WDFY4: variants seen among roughly 807,000 people sequenced by gnomAD.
WDFY4 encodes WD repeat- and FYVE domain-containing protein 4.
In WDFY4, 169 loss-of-function variants were observed where a neutral mutation model predicts 351.9. The observed-to-expected ratio is 0.48, with a 90% CI of 0.42 to 0.55. WDFY4 has a LOEUF of 0.55. WDFY4 is among the 20% of genes least tolerant of loss of function. WDFY4 has a pLI of 0.00. For synonymous variants in WDFY4, 1,622 were observed against 1,574.6 expected (o/e 1.03, Z -0.71); for missense variants, 3,803 against 3,935.6 (o/e 0.97, Z 0.90).
chr10:48,863,892 G>T (rs2069438542), intron 39 of WDFY4, among the ~76,000 whole-genome samples: 1 of 152,142 alleles, frequency 6.6e-6, no homozygotes. Flanking sequence ...GTGGTGGGAA[G>T]GAGAAGTGTT....
At chr10:48,705,227 G>A (rs1001458974) in intron 1 of WDFY4, among the ~76,000 whole-genome samples, 1 of 152,216 alleles carries the variant, frequency 6.6e-6, no homozygotes, top group Admixed American at 6.5e-5. Flanking sequence ...GGGAAGCACA[G>A]GTTTGGATCC....
intron 47 of WDFY4, among the ~76,000 whole-genome samples, chr10:48,933,145 G>A (rs1840131902): frequency 6.6e-6 from 1 of 152,180 alleles, no homozygotes; most frequent in African/African-American, 2.4e-5. Context: ...GCTCTGTGGT[G>A]GAAGCAGAGC....
intron 13 of WDFY4, among the ~76,000 whole-genome samples, chr10:48,765,395 G>A (rs2065636476): frequency 6.6e-6 from 1 of 152,220 alleles, no homozygotes; most frequent in African/African-American, 2.4e-5. Flanking sequence ...TTTGTGTAGT[G>A]TGGGGATAAT....
intron 30 of WDFY4, among the ~76,000 whole-genome samples, chr10:48,812,178 TC>T (rs1199547076): frequency 6.7e-6 from 1 of 148,366 alleles, no homozygotes; most frequent in African/African-American, 2.6e-5. Flanking sequence ...TTCTTTCTTT[TC>T]TTTTTTTTTT....
At chr10:48,753,028 A>G (rs2065230137) in intron 12 of WDFY4, among the ~76,000 whole-genome samples, 1 of 151,928 alleles carries the variant, frequency 6.6e-6, no homozygotes, top group South Asian at 2.1e-4. Context: ...GCTTGCCAAT[A>G]TTTATTTCCC....
rs542884852 is a variant in WDFY4 at position 48,718,216 on chromosome 10, T to C, written c.235-1795T>C. On this transcript the variant is annotated intron_variant, in intron 2 of 61. Coordinates refer to ENST00000325239, the MANE Select transcript of WDFY4 (RefSeq NM_001394531.1). The stretch of plus-strand genomic sequence containing the variant: ...TTGTTCTTTTTCTAAAAACAAGTTG[T>C]TTGCTTTTTTCTCGTCTATTTTTAG... Among the ~76,000 whole-genome samples the C allele has an allele frequency of 2.6e-4, 39 of 152,352 alleles. No individual in the cohort carries two copies. In the South Asian group the frequency reaches 8.1e-3, roughly 32 times the overall value.
intron 34 of WDFY4, 147 bp from the exon 35 acceptor site, chr10:48,822,233 C>A: frequency 1.3e-6 from 1 of 759,730 alleles, no homozygotes. Context: ...GTGTGTTGGG[C>A]ACCTCGTCAG....
intron 43 of WDFY4, among the ~76,000 whole-genome samples, chr10:48,883,506 T>A (rs1417808614): frequency 1.3e-5 from 2 of 152,218 alleles, no homozygotes; most frequent in African/African-American, 4.8e-5. Context: ...AATTCAGATG[T>A]CATTGTGAGA....
chr10:48,791,853 C>A (rs2066692887), intron 23 of WDFY4, among the ~76,000 whole-genome samples: 1 of 152,136 alleles, frequency 6.6e-6, no homozygotes, highest in African/African-American at 2.4e-5. Context: ...GCCTTCTGGG[C>A]ACTCCCCCTG....
chr10:48,929,876 C>A (rs940140951), intron 47 of WDFY4, among the ~76,000 whole-genome samples: 6 of 152,012 alleles, frequency 3.9e-5, no homozygotes, highest in African/African-American at 1.5e-4. Context: ...CTTCCATCCA[C>A]CCCCAATTAA....
intron 60 of WDFY4, 36 bp downstream of exon 60, chr10:48,978,429 T>A: frequency 6.5e-7 from 1 of 1,526,954 alleles, no homozygotes; most frequent in East Asian, 2.5e-5. Context: ...CGTCCTGGCC[T>A]TGCCCTGCCC....
intron 40 of WDFY4, among the ~76,000 whole-genome samples, chr10:48,870,377 A>T (rs966931090): frequency 6.6e-6 from 1 of 152,170 alleles, no homozygotes; most frequent in South Asian, 2.1e-4. Flanking sequence ...CTCAAAAAAA[A>T]GTAGTTAAAA....
intron 47 of WDFY4, among the ~76,000 whole-genome samples, chr10:48,909,000 T>C (rs1422053060): frequency 6.6e-6 from 1 of 151,060 alleles, no homozygotes; most frequent in Non-Finnish European, 1.5e-5. Context: ...GACTGTTCTA[T>C]ACATGGAATC....
rs140035514 is a variant in WDFY4 at position 48,749,014 on chromosome 10, C to T, written c.2459+5466C>T. Among the ~76,000 whole-genome samples, 11 of 152,314 alleles carry T rather than the reference C, an allele frequency of 7.2e-5. No individual in the cohort carries two copies. The South Asian group carries it at 2.1e-3, about 29-fold the overall frequency. ...CTACTTTATTTCTCTAATCTTCCATCTCCTGATTTGAAGGCAGACATAATA... is the reference window on the plus strand; with the variant it reads ...CTACTTTATTTCTCTAATCTTCCATTTCCTGATTTGAAGGCAGACATAATA... On this transcript the variant is annotated intron_variant, in intron 12 of 61. Coordinates refer to ENST00000325239, the MANE Select transcript of WDFY4 (RefSeq NM_001394531.1).
At chr10:48,797,084 C>T (rs2066901492) in intron 24 of WDFY4, among the ~76,000 whole-genome samples, 1 of 152,190 alleles carries the variant, frequency 6.6e-6, no homozygotes, top group South Asian at 2.1e-4. Flanking sequence ...TTCAGTGAGA[C>T]AGGCACAGGG....
intron 51 of WDFY4, among the ~76,000 whole-genome samples, chr10:48,953,333 T>TCTCACACACACACA (rs771339557): frequency 7.8e-5 from 10 of 128,128 alleles, no homozygotes; most frequent in African/African-American, 3.0e-4. Context: ...TCTCTCTCTC[T>TCTCACACACACACA]CACACACACA....
intron 47 of WDFY4, among the ~76,000 whole-genome samples, chr10:48,916,938 TG>T (rs1838602344): frequency 1.3e-5 from 2 of 151,964 alleles, no homozygotes; most frequent in African/African-American, 4.8e-5. Context: ...AATGATGTTT[TG>T]GTCAATGACA....
intron 1 of WDFY4, among the ~76,000 whole-genome samples, chr10:48,700,739 C>T (rs10857621): frequency 0.27 from 41,543 of 152,140 alleles, 6,400 homozygotes; most frequent in East Asian, 0.66. Context: ...AATTAAATCA[C>T]GTTAGGTGGG....
chr10:48,797,303 C>G (rs2066909646), intron 24 of WDFY4, among the ~76,000 whole-genome samples: 1 of 152,078 alleles, frequency 6.6e-6, no homozygotes, highest in Admixed American at 6.5e-5. Flanking sequence ...TTAGACTGCC[C>G]AGACTACACT....
Sources: gnomAD v4.1 joint callset for allele counts (sites outside exome capture counted in the v4.1 genomes callset) on GRCh38, gnomAD v4.1.1 for gene constraint, MANE v1.5 for transcripts, NCBI Gene and HGNC (gene_info 2026-07-23, HGNC 2026-07-21) for gene names.